Variants in KMT2C observed in about 807,000 individuals in gnomAD.
KMT2C encodes the protein lysine methyltransferase 2C, also known as histone-lysine N-methyltransferase 2C.
A neutral mutation model predicts 507.9 loss-of-function variants in KMT2C; 88 were observed. The observed-to-expected ratio is 0.17, with a 90% CI of 0.15 to 0.21. KMT2C has a LOEUF of 0.21. Ranked by LOEUF, KMT2C falls within the 10% of genes least tolerant of loss-of-function variation. The pLI, the probability that KMT2C is intolerant of heterozygous loss-of-function variation, is 1.00. For missense variants in KMT2C, 4,954 were observed against 5,957.8 expected (o/e 0.83, Z 5.55); for synonymous variants, 2,049 against 2,080.8 (o/e 0.98, Z 0.42).
At chr7:152,155,100 C>T (rs1234271361) in intron 46 of KMT2C, 1 of 152,146 alleles carries the variant, frequency 6.6e-6, no homozygotes, top group Non-Finnish European at 1.5e-5. Flanking sequence ...GACTAAGTTC[C>T]ACAACCCTGT....
In KMT2C at chr7:152,199,341, A is replaced by G. The variant is rs764395220; in HGVS notation, c.4211T>C (p.Leu1404Ser). ...AAGTAGTGGATCTAAGGAAGGATCCAAGAAACCTGTGTTCATGTTTGTTTT... is the reference window on the plus strand; with the variant it reads ...AAGTAGTGGATCTAAGGAAGGATCCGAGAAACCTGTGTTCATGTTTGTTTT... ...LYKTNMNTGF[L>S]DPSLDPLLSS... Residue 1404 changes from leucine to serine, a missense_variant, in exon 27 of 59, where the codon TTG becomes TCG. Leu to Ser is a moderately radical substitution (Grantham distance 145). Transcript: ENST00000262189. 1 of 1,605,774 alleles carries G rather than the reference A, an allele frequency of 6.2e-7. No individual in the cohort carries two copies. The highest frequency in any genetic ancestry group is 8.5e-7 in the Non-Finnish European group (1 of 1,177,390).
At chr7:152,256,472 A>G (rs560382684) in intron 9 of KMT2C, among the ~76,000 whole-genome samples, 36 of 152,254 alleles carry the variant, frequency 2.4e-4, no homozygotes, top group Admixed American at 6.5e-4. Context: ...TGAGGCAGGA[A>G]GACTGCTTGA....
At position 152,181,085 on chromosome 7, in the gene KMT2C, G is replaced by C. The variant is rs1260337015; in HGVS notation, c.6775C>G (p.Pro2259Ala). 1 of 1,614,174 alleles carries C rather than the reference G, an allele frequency of 6.2e-7. No homozygotes were observed. Among genetic ancestry groups the C allele is most frequent in the Non-Finnish European group, 8.5e-7 (1 of 1,180,038 alleles). ...PFLQAAQNRGPALPGPLVRPP... is the reference protein window; with the variant it reads ...PFLQAAQNRGAALPGPLVRPP... ...CTTACCAACGGGCCAGGTAAAGCTG[G>C]TCCTCGGTTTTGTGCTGCTTGCAGG... Residue 2259 changes from proline (P) to alanine (A), a missense_variant, in exon 36 of 59, where the codon CCA (proline) becomes GCA (alanine). Around this residue, in one of 29 missense-constraint regions of KMT2C, gnomAD observed 1,689 missense variants for 1,654.3 expected, o/e 1.02. Coordinates refer to ENST00000262189, the MANE Select transcript of KMT2C (RefSeq NM_170606.3).
chr7:152,174,682 C>A (rs369582931), intron 38 of KMT2C, among the ~76,000 whole-genome samples: 2 of 152,034 alleles, frequency 1.3e-5, no homozygotes, highest in South Asian at 4.1e-4. Flanking sequence ...TACGAAAAAA[C>A]CTATTTGCAT....
chr7:152,305,447 C>T (rs901647400), intron 6 of KMT2C, among the ~76,000 whole-genome samples: 2 of 152,064 alleles, frequency 1.3e-5, no homozygotes, highest in Non-Finnish European at 2.9e-5. Flanking sequence ...ATGAGGTCAG[C>T]ATGGCTGAAG....
chr7:152,398,123 C>T (rs1407174729), intron 1 of KMT2C, among the ~76,000 whole-genome samples: 1 of 152,174 alleles, frequency 6.6e-6, no homozygotes, highest in Admixed American at 6.6e-5. Flanking sequence ...TACAGTACCA[C>T]ATTTTATTTT....
Position 152,136,854 on chromosome 7 carries a change from T to C in KMT2C, c.14714A>G (p.Asn4905Ser), listed in dbSNP as rs751058113. The C allele has an allele frequency of 1.9e-6, 3 of 1,613,420 alleles. No individual in the cohort carries two copies. Among genetic ancestry groups the C allele is most frequent in the Non-Finnish European group, 2.5e-6 (3 of 1,179,784 alleles). Reference sequence around the variant, plus strand: ...ATTTCAGTTCATCCACTTCCGGCAGTTCACAGCTCCACAGTGACACGGAAT... The same window carrying C: ...ATTTCAGTTCATCCACTTCCGGCAGCTCACAGCTCCACAGTGACACGGAAT... ...HKIPCHCGAV[N>S]CRKWMN The change falls in exon 59 of 59, where the codon AAC becomes AGC. Residue 4905 changes from asparagine (N) to serine (S), a missense_variant. Transcript: ENST00000262189.
intron 15 of KMT2C, among the ~76,000 whole-genome samples, chr7:152,236,846 A>G (rs2095284732): frequency 6.6e-6 from 1 of 152,174 alleles, no homozygotes; most frequent in South Asian, 2.1e-4. Context: ...AGTAAGCCAA[A>G]GCGTCCAGCC....
chr7:152,400,552 T>C (rs569685353), intron 1 of KMT2C, among the ~76,000 whole-genome samples: 5 of 152,282 alleles, frequency 3.3e-5, no homozygotes, highest in African/African-American at 9.6e-5. Flanking sequence ...ACAATGGACA[T>C]AGAAGACACT....
Position 152,263,050 on chromosome 7 carries a change from A to C in KMT2C, c.1265T>G (p.Met422Arg). Residue 422 changes from methionine (M) to arginine (R), a missense_variant, in exon 9 of 59, where the codon ATG (methionine) becomes AGG (arginine). Physicochemically the swap from Met to Arg is moderately conservative, Grantham distance 91. Around this residue, in one of 29 missense-constraint regions of KMT2C, gnomAD observed 14 missense variants for 23.2 expected, o/e 0.60. Coordinates refer to ENST00000262189, the MANE Select transcript of KMT2C (RefSeq NM_170606.3). ...GYHTFCLQPV[M>R]KSVPTNGWKC... Reference sequence around the variant, plus strand: ...CCAGCCATTGGTTGGTACTGATTTCATAACTGGTTGAAGACAAAAAGTATG... The same window carrying C: ...CCAGCCATTGGTTGGTACTGATTTCCTAACTGGTTGAAGACAAAAAGTATG... 2 of 1,613,100 alleles carry C rather than the reference A, an allele frequency of 1.2e-6. No homozygotes were observed. Among genetic ancestry groups the C allele is most frequent in the Non-Finnish European group, 1.7e-6 (2 of 1,179,734 alleles).
At chr7:152,154,628 T>G (rs534621521) in intron 46 of KMT2C, among the ~76,000 whole-genome samples, 183 bp from the exon 47 acceptor site, 1 of 152,302 alleles carries the variant, frequency 6.6e-6, no homozygotes, top group Non-Finnish European at 1.5e-5. Context: ...AATATTTAGT[T>G]ACAAAATAAT....
chr7:152,321,557 A>C (rs2096773455), intron 3 of KMT2C, among the ~76,000 whole-genome samples: 1 of 151,908 alleles, frequency 6.6e-6, no homozygotes, highest in South Asian at 2.1e-4. Flanking sequence ...AGAACTAATA[A>C]ACAAATTTGA....
chr7:152,323,595 T>C (rs10252255), intron 3 of KMT2C, among the ~76,000 whole-genome samples: 16,114 of 143,504 alleles, frequency 0.11, 2,124 homozygotes, highest in African/African-American at 0.32. Flanking sequence ...GTTGTGAGCA[T>C]GGCACTGTAC....
intron 9 of KMT2C, among the ~76,000 whole-genome samples, chr7:152,255,142 T>TATATAC (rs1273227523): frequency 1.0e-4 from 13 of 126,334 alleles, no homozygotes; most frequent in South Asian, 7.3e-4. Flanking sequence ...TATATATATA[T>TATATAC]ATACATATAT....
At chr7:152,294,154 G>A (rs1184865108) in intron 6 of KMT2C, among the ~76,000 whole-genome samples, 1 of 152,018 alleles carries the variant, frequency 6.6e-6, no homozygotes, top group Non-Finnish European at 1.5e-5. Context: ...ACAGGTGTGA[G>A]CCACTATGCC....
rs143627631 is a variant in KMT2C at position 152,181,034 on chromosome 7, G to A, written c.6826C>T (p.Pro2276Ser). ...VRPPDTCSQT[P>S]RPPGPGLSDT... Reference sequence around the variant, plus strand: ...GAAAGACCAGGTCCAGGGGGCCTAGGTGTCTGGGAACATGTATCAGGTGGC... The same window carrying A: ...GAAAGACCAGGTCCAGGGGGCCTAGATGTCTGGGAACATGTATCAGGTGGC... The change falls in exon 36 of 59, where the codon CCT (proline) becomes TCT (serine). Residue 2276 changes from proline (P) to serine (S), a missense_variant. Transcript: ENST00000262189. The A allele has an allele frequency of 9.9e-6, 16 of 1,614,192 alleles. No individual in the cohort carries two copies. In the African/African-American group the frequency reaches 1.2e-4, roughly 12 times the overall value.
In KMT2C at chr7:152,435,979, A is replaced by T; in HGVS notation, c.-193T>A. 2.9e-6 allele frequency: 1 copy of T among 341,866 alleles called. No homozygotes were observed. The highest frequency in any genetic ancestry group is 5.0e-6 in the Non-Finnish European group (1 of 198,500). 21.2% of individuals were successfully genotyped at this position (341,866 alleles called of 1,614,324 possible). On this transcript the variant is annotated 5_prime_UTR_variant, in exon 1 of 59. It introduces an in-frame stop codon into an upstream open reading frame of the 5' UTR. Transcript: ENST00000262189. ...TGGAGCGAGCAGGACACGCACTCAC[A>T]CACATCGGCGCGGGCGCGCGCACCT...
At chr7:152,174,707 G>C (rs2093119053) in intron 38 of KMT2C, among the ~76,000 whole-genome samples, 1 of 152,118 alleles carries the variant, frequency 6.6e-6, no homozygotes, top group Admixed American at 6.5e-5. Context: ...ATGAAAAAAA[G>C]GGAGCAAAAT....
In KMT2C at chr7:152,163,309, C is replaced by G; in HGVS notation, c.10268G>C (p.Arg3423Thr). The G allele has an allele frequency of 6.2e-7, 1 of 1,614,216 alleles. No homozygotes were observed. Among genetic ancestry groups the G allele is most frequent in the Non-Finnish European group, 8.5e-7 (1 of 1,180,040 alleles). ...IQLMQEVDRQ[R>T]ALQQRMEMEQ... Reference sequence around the variant, plus strand: ...CATTTCCATCCTCTGCTGCAAAGCTCTTTGTCTATCTACCTCCTGCATGAG... The same window carrying G: ...CATTTCCATCCTCTGCTGCAAAGCTGTTTGTCTATCTACCTCCTGCATGAG... The change falls in exon 43 of 59, where the codon AGA (arginine) becomes ACA (threonine). Residue 3423 changes from arginine (R) to threonine (T), a missense_variant. By Grantham distance (71) the Arg-to-Thr change is moderately conservative. Transcript: ENST00000262189.
Sources: allele counts gnomAD v4.1 joint callset (sites outside exome capture counted in the v4.1 genomes callset), GRCh38; gene constraint gnomAD v4.1.1; regional missense constraint gnomAD v4.1.1; transcripts MANE v1.5; gene names NCBI Gene and HGNC (gene_info 2026-07-23, HGNC 2026-07-21).